Variants in SV2C observed in about 807,000 individuals in gnomAD.
SV2C encodes the protein synaptic vesicle glycoprotein 2C.
In SV2C, 49 loss-of-function variants were observed where a neutral mutation model predicts 79.7. That is an observed-to-expected ratio of 0.61 (90% confidence interval 0.49 to 0.78). The LOEUF (loss-of-function observed/expected upper bound fraction) is 0.78. Among genes scored for constraint, SV2C ranks in the 30% least tolerant of loss-of-function variants. SV2C has a pLI of 0.00. For missense variants in SV2C, 833 were observed against 912.9 expected (o/e 0.91, Z 1.13); for synonymous variants, 334 against 333.2 (o/e 1.00, Z -0.03).
At chr5:76,273,243 C>G (rs749252534) in intron 4 of SV2C, among the ~76,000 whole-genome samples, 1 of 150,636 alleles carries the variant, frequency 6.6e-6, no homozygotes, top group East Asian at 1.9e-4. Context: ...ATATTATTAT[C>G]TATATACAAA....
At chr5:76,353,146 T>C (rs1220468343) in exon 13 of SV2C, 2 of 453,016 alleles carry the variant, frequency 4.4e-6, no homozygotes, top group Non-Finnish European at 8.9e-6. Flanking sequence ...AGTCTTGCCA[T>C]GTTGCCCCGG....
the SV2C span, among the ~76,000 whole-genome samples, chr5:75,980,521 C>A: frequency 6.6e-6 from 1 of 152,098 alleles, no homozygotes; most frequent in Non-Finnish European, 1.5e-5. Context: ...CCACCACTGT[C>A]AAGTAGGCTT....
chr5:76,166,701 C>T (rs1743057041), intron 2 of SV2C, among the ~76,000 whole-genome samples: 3 of 152,170 alleles, frequency 2.0e-5, no homozygotes, highest in African/African-American at 4.8e-5. Context: ...CTGAATGCAG[C>T]TATGTTTGGC....
chr5:76,321,154 T>C (rs1463840779), intron 12 of SV2C, among the ~76,000 whole-genome samples: 3 of 152,136 alleles, frequency 2.0e-5, no homozygotes, highest in Non-Finnish European at 4.4e-5. Flanking sequence ...TGGAAACAAC[T>C]ATCATTAGGT....
intron 1 of SV2C, among the ~76,000 whole-genome samples, chr5:76,126,537 G>A (rs1018968474): frequency 2.0e-5 from 3 of 152,128 alleles, no homozygotes; most frequent in African/African-American, 7.2e-5. Context: ...GACTTGGGAG[G>A]GAGGTGTGGC....
chr5:75,991,559 T>A, the SV2C span, among the ~76,000 whole-genome samples: 1 of 137,930 alleles, frequency 7.3e-6, no homozygotes, highest in African/African-American at 2.8e-5. Context: ...CAGCAGTTTC[T>A]TAGCAAGATA....
chr5:76,020,421 A>G, the SV2C span, among the ~76,000 whole-genome samples: 2 of 152,146 alleles, frequency 1.3e-5, no homozygotes, highest in Non-Finnish European at 2.9e-5. Context: ...TCCGTGCTCT[A>G]CTATTGTAGA....
chr5:76,209,098 C>T (rs760908231), intron 3 of SV2C, among the ~76,000 whole-genome samples: 2 of 152,196 alleles, frequency 1.3e-5, no homozygotes, highest in African/African-American at 4.8e-5. Flanking sequence ...AAACCACCAG[C>T]TCCTTATTTT....
chr5:75,901,978 A>C, the SV2C span, among the ~76,000 whole-genome samples: 4 of 152,186 alleles, frequency 2.6e-5, no homozygotes, highest in African/African-American at 4.8e-5. Context: ...CCGATTTTCC[A>C]GGTGCCGTCT....
At chr5:76,255,399 C>A in intron 4 of SV2C, among the ~76,000 whole-genome samples, 1 of 152,286 alleles carries the variant, frequency 6.6e-6, no homozygotes, top group Non-Finnish European at 1.5e-5. Flanking sequence ...GTCACCCAAG[C>A]CTCCCATGCA....
the SV2C span, among the ~76,000 whole-genome samples, chr5:76,067,723 A>G: frequency 1.3e-5 from 2 of 152,038 alleles, no homozygotes; most frequent in Non-Finnish European, 2.9e-5. Context: ...ATTCAAGAGT[A>G]TATGTGTCTC....
In SV2C at chr5:76,325,462, C is replaced by A; in HGVS notation, c.2099C>A (p.Pro700His). 1 of 1,614,168 alleles carries A rather than the reference C, an allele frequency of 6.2e-7. No individual in the cohort carries two copies. ...GSLVSITKSI[P>H]ILLASTVLVC... ...CTGGTCAGCATCACCAAATCAATCC[C>A]CATCCTGCTGGCTTCTACTGTGCTC... is the stretch of plus-strand genomic sequence containing the variant. The change falls in exon 13 of 13, where the codon CCC (proline) becomes CAC (histidine). Residue 700 changes from proline to histidine, a missense_variant. Coordinates refer to ENST00000502798, the MANE Select transcript of SV2C (RefSeq NM_014979.4).
At chr5:76,029,081 G>A in the SV2C span, among the ~76,000 whole-genome samples, 1 of 152,124 alleles carries the variant, frequency 6.6e-6, no homozygotes, top group South Asian at 2.1e-4. Context: ...TAGAACAAGT[G>A]TTCTCAAACT....
chr5:76,348,072 A>G (rs1749576255), intron 12 of SV2C, among the ~76,000 whole-genome samples: 1 of 152,178 alleles, frequency 6.6e-6, no homozygotes, highest in African/African-American at 2.4e-5. Context: ...TGCTCCAACT[A>G]TTCATTCCTC....
chr5:76,263,373 G>T (rs1266800873), intron 4 of SV2C, among the ~76,000 whole-genome samples: 3 of 151,936 alleles, frequency 2.0e-5, no homozygotes, highest in Non-Finnish European at 2.9e-5. Flanking sequence ...CATGTGAGAT[G>T]GGTCTCCTGA....
chr5:76,168,322 TA>T (rs1743104827), intron 2 of SV2C, among the ~76,000 whole-genome samples: 1 of 152,168 alleles, frequency 6.6e-6, no homozygotes, highest in Non-Finnish European at 1.5e-5. Context: ...CTCGCTACTT[TA>T]GCTGACTCAA....
the SV2C span, among the ~76,000 whole-genome samples, chr5:75,904,829 C>G: frequency 6.6e-6 from 1 of 152,212 alleles, no homozygotes; most frequent in Non-Finnish European, 1.5e-5. Context: ...TGATGAATAA[C>G]TGCTACCTAA....
At chr5:76,196,734 C>A (rs1340143728) in intron 3 of SV2C, among the ~76,000 whole-genome samples, 1 of 152,204 alleles carries the variant, frequency 6.6e-6, no homozygotes, top group Non-Finnish European at 1.5e-5. Flanking sequence ...CCAGTCCTTT[C>A]AGTTTGCAAT....
chr5:76,220,951 C>G (rs1158542094), intron 4 of SV2C, among the ~76,000 whole-genome samples: 2 of 152,142 alleles, frequency 1.3e-5, no homozygotes, highest in Admixed American at 1.3e-4. Context: ...AATTTCAAGA[C>G]AAAGAAAGTC....
Sources: gnomAD v4.1 joint callset for allele counts (sites outside exome capture counted in the v4.1 genomes callset) on GRCh38, gnomAD v4.1.1 for gene constraint, MANE v1.5 for transcripts, NCBI Gene and HGNC (gene_info 2026-07-23, HGNC 2026-07-21) for gene names.